AKNA: variants seen among roughly 807,000 people sequenced by gnomAD.
AKNA encodes the protein microtubule organization protein AKNA.
Under a neutral mutation model 138.8 loss-of-function variants are expected in AKNA, and 67 were observed. The observed-to-expected ratio is 0.48, with a 90% CI of 0.40 to 0.59. The LOEUF is 0.59. Ranked by LOEUF, AKNA falls within the 20% of genes least tolerant of loss-of-function variation. AKNA has a pLI of 0.00. For synonymous variants in AKNA, 737 were observed against 754.4 expected, an observed-to-expected ratio of 0.98 and a Z score of 0.38; for missense variants, 1,813 against 1,880.4, an observed-to-expected ratio of 0.96 and a Z score of 0.66.
chr9:114,382,589 A>G (rs948318739), intron 1 of AKNA, among the ~76,000 whole-genome samples: 1 of 110,954 alleles, frequency 9.0e-6, no homozygotes, highest in Non-Finnish European at 1.6e-5. Flanking sequence ...TCTCAAAAGG[A>G]AAAAAAAAAA....
At chr9:114,341,875 A>G in intron 20 of AKNA, 134 bp downstream of exon 20, 1 of 1,308,502 alleles carries the variant, frequency 7.6e-7, no homozygotes, top group East Asian at 2.3e-5. Flanking sequence ...TCTTTGGGGA[A>G]CAAATCCTCT....
At chr9:114,351,613 G>A (rs1332409436) in intron 14 of AKNA, among the ~76,000 whole-genome samples, 1 of 150,180 alleles carries the variant, frequency 6.7e-6, no homozygotes, top group African/African-American at 2.5e-5. Context: ...AGAAGTTTGA[G>A]TCTAGCCTAG....
rs758382834 is a variant in AKNA at position 114,362,478 on chromosome 9, G to A, written c.1844C>T (p.Ala615Val). The change falls in exon 8 of 22, where the codon GCT becomes GTT. Residue 615 changes from alanine (A) to valine (V), a missense_variant. Transcript: ENST00000374088. ...CTGGGCAGGGTGTTGCTCCCGACAA[G>A]CCTTCAGGTACTCCTCCTCTAGGGC... ...HAALEEEYLK[A>V]CREQHPAQPL... 1 of 1,613,408 alleles carries A rather than the reference G, an allele frequency of 6.2e-7. No individual in the cohort carries two copies.
chr9:114,381,364 T>A lies in AKNA; in HGVS notation c.-31A>T. 1 of 1,515,716 alleles carries A rather than the reference T, an allele frequency of 6.6e-7. No individual in the cohort carries two copies. Among genetic ancestry groups the A allele is most frequent in the Non-Finnish European group, 8.8e-7 (1 of 1,132,804 alleles). 93.9% of individuals were successfully genotyped at this position (1,515,716 alleles called of 1,614,324 possible). A position where few individuals can be genotyped will look rare whatever the true frequency, so the allele number is the denominator to read the frequency against. On this transcript the variant is annotated 5_prime_UTR_variant, in exon 2 of 22. The change creates a new upstream start codon in the 5' untranslated region. Transcript: ENST00000374088. ...CTGGCCTGGGCTTCACCTGGGCCACTTCATCTTCAGGAGACAGAGCTGCTG... is the reference window on the plus strand; with the variant it reads ...CTGGCCTGGGCTTCACCTGGGCCACATCATCTTCAGGAGACAGAGCTGCTG...
chr9:114,348,006 C>T, intron 15 of AKNA, 106 bp from the exon 16 acceptor site: 12 of 1,254,902 alleles, frequency 9.6e-6, no homozygotes, highest in Non-Finnish European at 1.3e-5. Flanking sequence ...TCACAGCAGG[C>T]ACAGGGTCTA....
At position 114,368,607 on chromosome 9, in the gene AKNA, G is replaced by C. The variant is rs143456905; in HGVS notation, c.1417-12C>G. 4 of 1,364,486 alleles carry C rather than the reference G, an allele frequency of 2.9e-6. No homozygotes were observed. Among genetic ancestry groups the C allele is most frequent in the Non-Finnish European group, 3.8e-6 (4 of 1,050,746 alleles). The allele number at this position is 1,364,486 out of a possible 1,614,324, so 84.5% of individuals were successfully genotyped here. ...GAGAACAGGTTCACCTGTGGAAGCAGGGAGGCACAGCACAGCCAAGTCAGG... is the reference window on the plus strand; with the variant it reads ...GAGAACAGGTTCACCTGTGGAAGCACGGAGGCACAGCACAGCCAAGTCAGG... On this transcript the variant is annotated splice_polypyrimidine_tract_variant and intron_variant, in intron 4 of 21. Transcript: ENST00000374088.
intron 16 of AKNA, among the ~76,000 whole-genome samples, chr9:114,347,352 TG>T (rs1294422973): frequency 1.3e-5 from 2 of 152,266 alleles, no homozygotes; most frequent in East Asian, 3.9e-4. Flanking sequence ...CCTGAGTAGC[TG>T]GGATTACAGG....
At chr9:114,381,018 G>T in intron 2 of AKNA, 42 bp downstream of exon 2, 4 of 1,393,686 alleles carry the variant, frequency 2.9e-6, no homozygotes, top group South Asian at 1.6e-5. Context: ...GTGATGTTTT[G>T]GGGACAGGAC....
Position 114,341,385 on chromosome 9 carries a change from A to C in AKNA, c.4067+148T>G, listed in dbSNP as rs1260652288. On this transcript the variant is annotated intron_variant, in intron 21 of 21. Transcript: ENST00000374088. ...GTTGGCTTTGTTGAGTGACTATATG[A>C]GTGTTGGGCTCCTACTGCATGTTAT... The C allele has an allele frequency of 3.1e-6, 3 of 971,750 alleles. No individual in the cohort carries two copies. The Admixed American group carries it at 7.4e-5, about 24-fold the overall frequency. 60.2% of individuals were successfully genotyped at this position (971,750 alleles called of 1,614,324 possible).
chr9:114,384,890 T>C (rs1833923991), intron 1 of AKNA, among the ~76,000 whole-genome samples: 1 of 152,198 alleles, frequency 6.6e-6, no homozygotes, highest in Admixed American at 6.5e-5. Flanking sequence ...GTCTCACTGT[T>C]ACCCAGGCTG....
intron 5 of AKNA, 118 bp from the exon 6 acceptor site, chr9:114,367,815 T>C: frequency 1.7e-6 from 2 of 1,173,074 alleles, no homozygotes; most frequent in Non-Finnish European, 2.4e-6. Flanking sequence ...AGTCACCATG[T>C]GCGATCTTCA....
Position 114,337,229 on chromosome 9 carries a change from C to T in AKNA, c.4145G>A (p.Arg1382Gln), listed in dbSNP as rs149669785. 1.9e-5 allele frequency: 30 copies of T among 1,577,452 alleles called. No individual in the cohort carries two copies. Among genetic ancestry groups the T allele is most frequent in the Admixed American group, 3.5e-5 (2 of 57,142 alleles). Residue 1382 changes from arginine (R) to glutamine (Q), a missense_variant, in exon 22 of 22, where the codon CGG becomes CAG. Transcript: ENST00000374088. ...GAGCTGGATGGAGTGCCGGTGTCTC[C>T]GGGCTGGTGGGGGAGAGGCTGTGGG... is the stretch of plus-strand genomic sequence containing the variant. ...WPPTASPPPA[R>Q]RHRHSIQLDL...
In AKNA at chr9:114,335,638, G is replaced by T. The variant is rs988428847; in HGVS notation, c.*1416C>A. ...AATACAAAATTAGCCAGACGTGGTG[G>T]TGCATGCCTGTAATCCCAGCTACTC... On this transcript the variant is annotated 3_prime_UTR_variant, in exon 22 of 22. Transcript: ENST00000374088. The T allele has an allele frequency of 6.6e-6, 1 of 152,086 alleles. No individual in the cohort carries two copies. The highest frequency in any genetic ancestry group is 1.5e-5 in the Non-Finnish European group (1 of 68,028). 9.4% of individuals were successfully genotyped at this position (152,086 alleles called of 1,614,324 possible). A position where few individuals can be genotyped will look rare whatever the true frequency, so the allele number is the denominator to read the frequency against.
At chr9:114,360,845 G>C (rs1831894664) in intron 9 of AKNA, among the ~76,000 whole-genome samples, 1 of 152,166 alleles carries the variant, frequency 6.6e-6, no homozygotes, top group Non-Finnish European at 1.5e-5. Context: ...CTCTCAAGGG[G>C]TTGTGGTGTG....
At chr9:114,366,279 C>CAA (rs35834810) in intron 6 of AKNA, among the ~76,000 whole-genome samples, 261 of 127,738 alleles carry the variant, frequency 2.0e-3, no homozygotes, top group South Asian at 4.2e-3. Context: ...GACTCTGTCT[C>CAA]AAAAAAAAAA....
chr9:114,393,091 G>T (rs1834409118), intron 1 of AKNA, among the ~76,000 whole-genome samples: 1 of 152,110 alleles, frequency 6.6e-6, no homozygotes, highest in South Asian at 2.1e-4. Flanking sequence ...CCTTTCCATG[G>T]ACTCAGATCT....
At chr9:114,343,870 G>T in intron 18 of AKNA, 67 bp from the exon 19 acceptor site, 2 of 1,361,568 alleles carry the variant, frequency 1.5e-6, no homozygotes, top group Non-Finnish European at 2.0e-6. Context: ...GGAAGATTCT[G>T]GAATAATGAT....
Position 114,337,013 on chromosome 9 carries a change from G to GCTC in AKNA, c.*40_*41insGAG. 8.4e-7 allele frequency: 1 copy of GCTC among 1,185,370 alleles called. No homozygotes were observed. The highest frequency in any genetic ancestry group is 2.5e-5 in the South Asian group (1 of 40,612). The allele number at this position is 1,185,370 out of a possible 1,614,324, so 73.4% of individuals were successfully genotyped here. ...CCACTCCTGGCCTGGCAGGCCACCT[G>GCTC]CCCACCCACCCACCCATCTGCCTCT... is the stretch of plus-strand genomic sequence containing the variant. On this transcript the variant is annotated 3_prime_UTR_variant, in exon 22 of 22. Transcript: ENST00000374088.
upstream of AKNA, among the ~76,000 whole-genome samples, chr9:114,388,287 CAGA>C (rs2132141780): frequency 6.6e-6 from 1 of 152,350 alleles, no homozygotes; most frequent in East Asian, 1.9e-4. Context: ...CAGAGAAGGT[CAGA>C]GGCTTGGCCA....
Sources: allele counts gnomAD v4.1 joint callset (sites outside exome capture counted in the v4.1 genomes callset), GRCh38; gene constraint gnomAD v4.1.1; transcripts MANE v1.5; gene names NCBI Gene and HGNC (gene_info 2026-07-23, HGNC 2026-07-21).